Variants in CERT1 observed in about 807,000 individuals in gnomAD.
CERT1 encodes ceramide transfer protein.
A neutral mutation model predicts 87.9 loss-of-function variants in CERT1; 31 were observed. That is an observed-to-expected ratio of 0.35 (90% confidence interval 0.27 to 0.48). The LOEUF is 0.48. CERT1 is among the 20% of genes least tolerant of loss of function. CERT1 has a pLI of 0.99. For synonymous variants in CERT1, 289 were observed against 250.9 expected (o/e 1.15, Z -1.44); for missense variants, 487 against 758.0 (o/e 0.64, Z 4.20).
chr5:75,429,315 C>A (rs752393764), intron 3 of CERT1, among the ~76,000 whole-genome samples: 25 of 152,012 alleles, frequency 1.6e-4, no homozygotes, highest in Non-Finnish European at 2.6e-4. Context: ...GATTCTCCTG[C>A]CTCAGCCTCC....
At chr5:75,481,132 C>T (rs903694106) in intron 2 of CERT1, among the ~76,000 whole-genome samples, 13 of 152,176 alleles carry the variant, frequency 8.5e-5, no homozygotes, top group African/African-American at 3.1e-4. Context: ...GCCTCACTAC[C>T]ACTTTGCTTT....
rs1768010494 is a variant in CERT1, at chr5:75,511,600, G to A, written c.-393C>T. On this transcript the variant is annotated 5_prime_UTR_variant, in exon 1 of 17. Transcript: ENST00000643780. Reference sequence around the variant, plus strand: ...CGCGTCCACTCACACCTCCGCTACCGCCGCCATCTTCCTGCCTGGCCCACT... The same window carrying A: ...CGCGTCCACTCACACCTCCGCTACCACCGCCATCTTCCTGCCTGGCCCACT... 6.1e-6 allele frequency: 9 copies of A among 1,466,372 alleles called. No homozygotes were observed. Among genetic ancestry groups the A allele is most frequent in the Non-Finnish European group, 6.3e-6 (7 of 1,108,814 alleles). The allele number at this position is 1,466,372 out of a possible 1,614,324, so 90.8% of individuals were successfully genotyped here.
intron 1 of CERT1, among the ~76,000 whole-genome samples, chr5:75,507,226 C>T (rs1305415513): frequency 6.6e-6 from 1 of 152,044 alleles, no homozygotes; most frequent in East Asian, 1.9e-4. Context: ...GGGCTCAATC[C>T]TCCCACCTCA....
At chr5:75,493,320 A>G (rs901986842) in intron 2 of CERT1, among the ~76,000 whole-genome samples, 1 of 152,218 alleles carries the variant, frequency 6.6e-6, no homozygotes, top group Non-Finnish European at 1.5e-5. Context: ...ATATCATTTC[A>G]TCTGTAGACA....
rs372267241 is a variant in CERT1, at chr5:75,404,378, G to A, written c.931-1320C>T. 9.5e-5 allele frequency among the ~76,000 whole-genome samples: 14 copies of A among 148,080 alleles called. No homozygotes were observed. In the East Asian group the frequency reaches 2.4e-3, roughly 25 times the overall value. On this transcript the variant is annotated intron_variant, in intron 8 of 16. Transcript: ENST00000643780. ...GCATATCTTAGTGAAGCATCACAAA[G>A]TGAATATACCATCTAATGACCATCT...
At chr5:75,472,757 T>C (rs1051950653) in intron 2 of CERT1, among the ~76,000 whole-genome samples, 2 of 151,922 alleles carry the variant, frequency 1.3e-5, no homozygotes, top group Non-Finnish European at 2.9e-5. Context: ...AAAGACAAAA[T>C]AGAGTTAAGT....
intron 3 of CERT1, among the ~76,000 whole-genome samples, chr5:75,439,150 A>G (rs1764210772): frequency 6.6e-6 from 1 of 151,992 alleles, no homozygotes; most frequent in African/African-American, 2.4e-5. Flanking sequence ...ATTAAATAAT[A>G]TAGTTCAAAG....
chr5:75,409,208 CATT>C (rs1329321864), intron 8 of CERT1, among the ~76,000 whole-genome samples: 4 of 151,958 alleles, frequency 2.6e-5, no homozygotes, highest in South Asian at 2.1e-4. Context: ...CAAAAATCAT[CATT>C]ATAATACCTC....
intron 2 of CERT1, among the ~76,000 whole-genome samples, chr5:75,477,392 C>T (rs546951973): frequency 1.5e-4 from 23 of 151,656 alleles, no homozygotes; most frequent in East Asian, 3.9e-4. Context: ...AGATAAAATA[C>T]GGTAAAATTG....
At chr5:75,510,724 A>C (rs5744535) in intron 1 of CERT1, among the ~76,000 whole-genome samples, 69 of 152,200 alleles carry the variant, frequency 4.5e-4, no homozygotes, top group Middle Eastern at 3.4e-3. Context: ...TCGGCTTGGC[A>C]TCCTCAGAGA....
chr5:75,393,868 G>T (rs1162412310), intron 11 of CERT1, among the ~76,000 whole-genome samples: 6 of 151,774 alleles, frequency 4.0e-5, no homozygotes, highest in Admixed American at 3.9e-4. Flanking sequence ...AGGAGTCTGA[G>T]GCAGGAGAAT....
intron 3 of CERT1, among the ~76,000 whole-genome samples, chr5:75,427,542 T>C (rs184184296): frequency 1.2e-3 from 181 of 152,298 alleles, no homozygotes; most frequent in Non-Finnish European, 2.2e-3. Flanking sequence ...GAGGTTGCAG[T>C]GAGCCGAGAT....
At chr5:75,397,602 C>G (rs1349207675) in intron 11 of CERT1, among the ~76,000 whole-genome samples, 1 of 152,104 alleles carries the variant, frequency 6.6e-6, no homozygotes, top group African/African-American at 2.4e-5. Flanking sequence ...CCTATGTATT[C>G]CTGCATTTTT....
At chr5:75,417,617 T>C (rs1045830220) in intron 6 of CERT1, among the ~76,000 whole-genome samples, 3 of 152,210 alleles carry the variant, frequency 2.0e-5, no homozygotes, top group African/African-American at 7.2e-5. Context: ...GAAATCATTC[T>C]AGTAGAATAA....
chr5:75,426,914 A>C (rs1763641383), intron 3 of CERT1, among the ~76,000 whole-genome samples: 1 of 152,230 alleles, frequency 6.6e-6, no homozygotes, highest in Admixed American at 6.5e-5. Flanking sequence ...TGTACACTTA[A>C]CAGTGGTCAA....
chr5:75,510,793 C>G (rs1767921928), intron 1 of CERT1, among the ~76,000 whole-genome samples: 1 of 152,164 alleles, frequency 6.6e-6, no homozygotes. Context: ...CGTTCGGACA[C>G]CGCTGAAGCC....
chr5:75,493,749 T>G (rs1766921148), intron 2 of CERT1, among the ~76,000 whole-genome samples: 1 of 152,226 alleles, frequency 6.6e-6, no homozygotes, highest in African/African-American at 2.4e-5. Context: ...TGATAATCCC[T>G]TTCTGCTCTG....
chr5:75,412,433 AAG>A (rs1203733783), intron 7 of CERT1, among the ~76,000 whole-genome samples: 1 of 152,132 alleles, frequency 6.6e-6, no homozygotes, highest in African/African-American at 2.4e-5. Context: ...CAAAAATCAT[AAG>A]AGAACAGATT....
intron 2 of CERT1, among the ~76,000 whole-genome samples, chr5:75,477,060 A>AGATAT (rs1765986190): frequency 6.6e-6 from 1 of 152,198 alleles, no homozygotes; most frequent in Non-Finnish European, 1.5e-5. Flanking sequence ...TAACCTTTGC[A>AGATAT]GATATGATAA....
Sources: allele counts gnomAD v4.1 joint callset (sites outside exome capture counted in the v4.1 genomes callset), GRCh38; gene constraint gnomAD v4.1.1; transcripts MANE v1.5; gene names NCBI Gene and HGNC (gene_info 2026-07-23, HGNC 2026-07-21).